The following ADCY8 variants were observed in gnomAD, a reference collection of about 807,000 sequenced individuals.
ADCY8 encodes the protein adenylate cyclase 8, also known as adenylate cyclase type 8.
In ADCY8, 51 loss-of-function variants were observed where a neutral mutation model predicts 119.7. That is an observed-to-expected ratio of 0.43 (90% CI 0.34 to 0.54). The LOEUF (loss-of-function observed/expected upper bound fraction) is 0.54. Ranked by LOEUF, ADCY8 falls within the 20% of genes least tolerant of loss-of-function variation. The pLI is 0.03. For synonymous variants in ADCY8, 665 were observed against 651.0 expected, an observed-to-expected ratio of 1.02 and a Z score of -0.33; for missense variants, 1,383 against 1,598.8, an observed-to-expected ratio of 0.87 and a Z score of 2.30.
At chr8:130,878,969 C>A (rs1374887264) in intron 8 of ADCY8, among the ~76,000 whole-genome samples, 2 of 152,048 alleles carry the variant, frequency 1.3e-5, no homozygotes, top group Non-Finnish European at 2.9e-5. Context: ...AGGAAGTCAC[C>A]TTATTATAAG....
intron 7 of ADCY8, among the ~76,000 whole-genome samples, chr8:130,903,461 G>A (rs1236744264): frequency 1.1e-5 from 1 of 91,722 alleles, no homozygotes; most frequent in Non-Finnish European, 2.2e-5. Flanking sequence ...TCCAACATGA[G>A]TGGTTTTTTT....
Position 131,006,761 on chromosome 8 carries a change from T to C in ADCY8, c.961-16219A>G, listed in dbSNP as rs184665191. On this transcript the variant is annotated intron_variant, in intron 1 of 17. Coordinates refer to ENST00000286355, the MANE Select transcript of ADCY8 (RefSeq NM_001115.3). ...AAGAGGTTCTCTCACCAATCCTGTT[T>C]AGATCTCCATGAGAAATGTCAGAAC... is the stretch of plus-strand genomic sequence containing the variant. 3.2e-4 allele frequency among the ~76,000 whole-genome samples: 48 copies of C among 152,276 alleles called. No homozygotes were observed. The East Asian group carries it at 7.2e-3, about 23-fold the overall frequency.
intron 6 of ADCY8, among the ~76,000 whole-genome samples, chr8:130,905,336 A>T (rs1471008352): frequency 6.6e-6 from 1 of 152,028 alleles, no homozygotes; most frequent in Non-Finnish European, 1.5e-5. Context: ...ATTTTCTGAC[A>T]CTCCTCTAAT....
intron 1 of ADCY8, among the ~76,000 whole-genome samples, chr8:131,014,417 T>C (rs537090427): frequency 1.1e-4 from 17 of 152,228 alleles, no homozygotes; most frequent in Non-Finnish European, 2.1e-4. Context: ...CTTTAGCCCA[T>C]GGTGATTCAT....
chr8:131,018,097 A>C (rs1823539780), intron 1 of ADCY8, among the ~76,000 whole-genome samples: 1 of 152,202 alleles, frequency 6.6e-6, no homozygotes, highest in Non-Finnish European at 1.5e-5. Context: ...GGTTTAAGGG[A>C]AAGAAGTGGG....
chr8:130,982,792 A>T (rs1025228903), intron 2 of ADCY8, among the ~76,000 whole-genome samples: 6 of 152,268 alleles, frequency 3.9e-5, no homozygotes, highest in African/African-American at 1.4e-4. Context: ...TATAATCAAC[A>T]TTCAATTAGT....
intron 9 of ADCY8, among the ~76,000 whole-genome samples, chr8:130,851,372 G>A (rs570475115): frequency 6.6e-6 from 1 of 152,202 alleles, no homozygotes; most frequent in African/African-American, 2.4e-5. Context: ...GTGACATTGG[G>A]TTAGGCTGTG....
chr8:131,000,379 A>G (rs1013781947), intron 1 of ADCY8, among the ~76,000 whole-genome samples: 7 of 152,178 alleles, frequency 4.6e-5, no homozygotes, highest in Admixed American at 4.6e-4. Flanking sequence ...AAATGTAGGT[A>G]AAGGTCTCAT....
At chr8:130,979,029 G>C (rs1388201102) in intron 2 of ADCY8, among the ~76,000 whole-genome samples, 1 of 152,152 alleles carries the variant, frequency 6.6e-6, no homozygotes, top group Non-Finnish European at 1.5e-5. Flanking sequence ...GCTGGTTGGG[G>C]CGGAAGACAG....
rs773146338 is a variant in ADCY8, at chr8:130,847,475, G to T, written c.2451C>A (p.Asn817Lys). The T allele has an allele frequency of 2.8e-5, 45 of 1,612,108 alleles. No homozygotes were observed. The highest frequency in any genetic ancestry group is 3.6e-5 in the Non-Finnish European group (43 of 1,179,450). Residue 817 changes from asparagine to lysine, a missense_variant, in exon 11 of 18, where the codon AAC becomes AAA. Around this residue, in one of 2 missense-constraint regions of ADCY8, gnomAD observed 928 missense variants for 1,163.5 expected, o/e 0.80. Coordinates refer to ENST00000286355, the MANE Select transcript of ADCY8 (RefSeq NM_001115.3). ...CDFDKSIPLKNLTFNSSAVFT... is the reference protein window; with the variant it reads ...CDFDKSIPLKKLTFNSSAVFT... ...ACACAGCTGAGGAATTGAAAGTCAG[G>T]TTCTTCAAGGGTATCGACTTGTCAA...
At position 130,945,917 on chromosome 8, in the gene ADCY8, T is replaced by C. The variant is rs1427604535; in HGVS notation, c.1242-2455A>G. Among the ~76,000 whole-genome samples the C allele has an allele frequency of 2.0e-5, 3 of 152,234 alleles. No individual in the cohort carries two copies. In the East Asian group the frequency reaches 5.8e-4, roughly 29 times the overall value. ...CATGTTCTTCTCCATTTTATGGAAC[T>C]GAGGCCTACGTATCTTGCCTATAAT... On this transcript the variant is annotated intron_variant, in intron 3 of 17. Coordinates refer to ENST00000286355, the MANE Select transcript of ADCY8 (RefSeq NM_001115.3).
At chr8:130,990,285 A>T in intron 2 of ADCY8, 108 bp downstream of exon 2, 1 of 1,390,954 alleles carries the variant, frequency 7.2e-7, no homozygotes, top group Non-Finnish European at 9.8e-7. Flanking sequence ...CATAAACTTT[A>T]AGAGAACACT....
At chr8:130,850,460 T>A (rs1184550098) in intron 9 of ADCY8, among the ~76,000 whole-genome samples, 2 of 152,134 alleles carry the variant, frequency 1.3e-5, no homozygotes, top group Non-Finnish European at 2.9e-5. Flanking sequence ...TAAAACTCCA[T>A]CTCTGGAGGC....
chr8:131,003,318 A>G, intron 1 of ADCY8, among the ~76,000 whole-genome samples: 1 of 152,210 alleles, frequency 6.6e-6, no homozygotes, highest in East Asian at 1.9e-4. Context: ...AAGTGATTAC[A>G]ACATTTAAAA....
intron 11 of ADCY8, among the ~76,000 whole-genome samples, chr8:130,837,889 C>T (rs890292386): frequency 1.3e-5 from 2 of 152,134 alleles, no homozygotes; most frequent in African/African-American, 4.8e-5. Context: ...TGTCCAAGAT[C>T]TCTTGGCTAT....
chr8:130,846,274 T>C (rs1370411274), intron 11 of ADCY8, among the ~76,000 whole-genome samples: 1 of 152,118 alleles, frequency 6.6e-6, no homozygotes, highest in Admixed American at 6.5e-5. Flanking sequence ...CCAGAATGTC[T>C]ACCCTAATAT....
At chr8:131,022,376 G>C (rs925199354) in intron 1 of ADCY8, among the ~76,000 whole-genome samples, 6 of 152,098 alleles carry the variant, frequency 3.9e-5, no homozygotes, top group Non-Finnish European at 7.4e-5. Context: ...TACAGTGTTT[G>C]GTTTTCTGTT....
intron 5 of ADCY8, among the ~76,000 whole-genome samples, chr8:130,919,924 C>G (rs1263834768): frequency 2.0e-5 from 3 of 152,054 alleles, no homozygotes; most frequent in South Asian, 2.1e-4. Context: ...TATGGTGTGG[C>G]CTTCCACATT....
At chr8:131,020,777 T>C (rs903516013) in intron 1 of ADCY8, among the ~76,000 whole-genome samples, 1 of 152,186 alleles carries the variant, frequency 6.6e-6, no homozygotes, top group African/African-American at 2.4e-5. Context: ...GGGACTACTT[T>C]CTAATCTCAC....
Sources: allele counts gnomAD v4.1 joint callset (sites outside exome capture counted in the v4.1 genomes callset), GRCh38; gene constraint gnomAD v4.1.1; regional missense constraint gnomAD v4.1.1; transcripts MANE v1.5; gene names NCBI Gene and HGNC (gene_info 2026-07-23, HGNC 2026-07-21).